DPYD: variants seen among roughly 807,000 people sequenced by gnomAD.
The protein encoded by DPYD is dihydropyrimidine dehydrogenase.
DPYD carries 109 observed loss-of-function variants against 116.2 expected under a neutral mutation model. The observed-to-expected ratio is 0.94, with a 90% CI of 0.80 to 1.10. The LOEUF (loss-of-function observed/expected upper bound fraction) is 1.10, where lower values mean the gene tolerates loss of function less well. Among genes scored for constraint, DPYD ranks in the 50% least tolerant of loss-of-function variants. The pLI, the probability that DPYD is intolerant of heterozygous loss-of-function variation, is 0.00. For missense variants in DPYD, 1,302 were observed against 1,254.5 expected, an observed-to-expected ratio of 1.04 and a Z score of -0.57; for synonymous variants, 440 against 432.0, an observed-to-expected ratio of 1.02 and a Z score of -0.23.
intron 20 of DPYD, among the ~76,000 whole-genome samples, chr1:97,156,817 C>T (rs1248033327): frequency 2.0e-5 from 3 of 151,868 alleles, no homozygotes; most frequent in Admixed American, 6.6e-5. Context: ...CACATGCACA[C>T]GTATGTTTAT....
chr1:97,426,630 G>A (rs1674880692), intron 14 of DPYD, among the ~76,000 whole-genome samples: 1 of 152,044 alleles, frequency 6.6e-6, no homozygotes, highest in Non-Finnish European at 1.5e-5. Flanking sequence ...ATAGTGGGGT[G>A]GGATGAAGGG....
At chr1:97,825,885 A>G (rs1414103071) in intron 3 of DPYD, among the ~76,000 whole-genome samples, 2 of 152,144 alleles carry the variant, frequency 1.3e-5, no homozygotes, top group African/African-American at 4.8e-5. Context: ...AGACTGAAAT[A>G]CTCAGTCTCT....
intron 16 of DPYD, among the ~76,000 whole-genome samples, chr1:97,338,840 G>C (rs1669440541): frequency 6.6e-6 from 1 of 152,018 alleles, no homozygotes. Flanking sequence ...TACATTACAA[G>C]GAAGTCAAAG....
At chr1:97,344,444 G>A (rs542641620) in intron 16 of DPYD, among the ~76,000 whole-genome samples, 1 of 151,824 alleles carries the variant, frequency 6.6e-6, no homozygotes, top group South Asian at 2.1e-4. Context: ...CCCAGTACCA[G>A]AGGTTCTAAA....
At chr1:97,332,813 G>A (rs1005055493) in intron 16 of DPYD, among the ~76,000 whole-genome samples, 1 of 152,086 alleles carries the variant, frequency 6.6e-6, no homozygotes, top group African/African-American at 2.4e-5. Context: ...GAGAGTCATA[G>A]ACTAAACATT....
At chr1:97,748,619 A>T (rs1664693655) in intron 3 of DPYD, among the ~76,000 whole-genome samples, 1 of 152,206 alleles carries the variant, frequency 6.6e-6, no homozygotes. Context: ...AAATTAATAA[A>T]TAAAACAAAA....
intron 20 of DPYD, among the ~76,000 whole-genome samples, chr1:97,148,865 A>T (rs2101713261): frequency 6.6e-6 from 1 of 152,316 alleles, no homozygotes; most frequent in East Asian, 1.9e-4. Context: ...CCTTTCTTGT[A>T]TTATAGCTAT....
At chr1:97,753,865 T>C (rs939598236) in intron 3 of DPYD, among the ~76,000 whole-genome samples, 6 of 152,098 alleles carry the variant, frequency 3.9e-5, no homozygotes, top group South Asian at 2.1e-4. Flanking sequence ...ATCTAACTTA[T>C]ATAACTTTGA....
intron 8 of DPYD, among the ~76,000 whole-genome samples, chr1:97,648,357 T>A (rs1658389476): frequency 6.6e-6 from 1 of 151,990 alleles, no homozygotes; most frequent in Non-Finnish European, 1.5e-5. Flanking sequence ...GTGGACCCAG[T>A]CAGGTAGACC....
intron 13 of DPYD, among the ~76,000 whole-genome samples, chr1:97,470,726 A>C (rs969083713): frequency 1.3e-5 from 2 of 152,320 alleles, no homozygotes; most frequent in South Asian, 4.1e-4. Context: ...GGCCAGGCAC[A>C]GTGGCTCATG....
chr1:97,343,674 T>C (rs1481174488), intron 16 of DPYD, among the ~76,000 whole-genome samples: 1 of 151,994 alleles, frequency 6.6e-6, no homozygotes, highest in East Asian at 1.9e-4. Context: ...AAAGGTTTGA[T>C]TAGGTTTATG....
intron 20 of DPYD, among the ~76,000 whole-genome samples, chr1:97,151,520 C>A (rs1655014782): frequency 6.6e-6 from 1 of 151,832 alleles, no homozygotes; most frequent in Admixed American, 6.6e-5. Context: ...ACTAAAAATA[C>A]AAAAATTAGC....
chr1:97,090,686 T>C (rs1229792537), intron 21 of DPYD, among the ~76,000 whole-genome samples: 2 of 152,224 alleles, frequency 1.3e-5, no homozygotes, highest in Non-Finnish European at 2.9e-5. Context: ...CATGTGTCTT[T>C]CTCCCTTGCT....
intron 3 of DPYD, among the ~76,000 whole-genome samples, chr1:97,795,186 G>GA (rs1459810193): frequency 2.6e-5 from 4 of 151,968 alleles, no homozygotes; most frequent in Non-Finnish European, 1.5e-5. Context: ...ATGGGTGGCA[G>GA]AAAAATTTAC....
At chr1:97,290,593 C>T (rs937293112) in intron 18 of DPYD, among the ~76,000 whole-genome samples, 1 of 152,060 alleles carries the variant, frequency 6.6e-6, no homozygotes, top group Admixed American at 6.5e-5. Flanking sequence ...GGAAAGGATT[C>T]CCTATTTAAT....
At chr1:97,359,767 T>C (rs1670620428) in intron 16 of DPYD, among the ~76,000 whole-genome samples, 1 of 152,154 alleles carries the variant, frequency 6.6e-6, no homozygotes, top group African/African-American at 2.4e-5. Context: ...CTGAGAGATT[T>C]TGTCACCAGC....
intron 5 of DPYD, among the ~76,000 whole-genome samples, chr1:97,708,549 A>C (rs1460796519): frequency 3.3e-5 from 5 of 152,062 alleles, no homozygotes; most frequent in Non-Finnish European, 7.4e-5. Context: ...TGATTACTGC[A>C]GCTTTACAGT....
At chr1:97,512,919 GGAA>G (rs1347274252) in intron 13 of DPYD, among the ~76,000 whole-genome samples, 5 of 151,700 alleles carry the variant, frequency 3.3e-5, no homozygotes, top group Non-Finnish European at 7.4e-5. Context: ...GATTTGAAGA[GGAA>G]GAATATAGTT....
chr1:97,348,795 C>A (rs1384060300), intron 16 of DPYD, among the ~76,000 whole-genome samples: 2 of 152,114 alleles, frequency 1.3e-5, no homozygotes, highest in Non-Finnish European at 2.9e-5. Context: ...GACACAATCT[C>A]ATGCAGTTGG....
Sources: allele counts gnomAD v4.1 joint callset (sites outside exome capture counted in the v4.1 genomes callset), GRCh38; gene constraint gnomAD v4.1.1; transcripts MANE v1.5; gene names NCBI Gene and HGNC (gene_info 2026-07-23, HGNC 2026-07-21).